ABTB3: variants seen among roughly 807,000 people sequenced by gnomAD.
The protein encoded by ABTB3 is ankyrin repeat and BTB domain containing 3.
chr12:107,407,577 G>A, the ABTB3 span, among the ~76,000 whole-genome samples: 3 of 152,200 alleles, frequency 2.0e-5, no homozygotes, highest in Non-Finnish European at 4.4e-5. Flanking sequence ...GCTGGGGCAG[G>A]TGCCTTCATT....
chr12:107,649,146 C>T, the ABTB3 span: 33 of 1,485,276 alleles, frequency 2.2e-5, no homozygotes, highest in East Asian at 6.8e-5. Flanking sequence ...GGGCATCCAC[C>T]GAATGGCTTT....
the ABTB3 span, among the ~76,000 whole-genome samples, chr12:107,503,756 C>CAAAAAAAAAAAAAAAAAAAAAA: frequency 4.2e-5 from 3 of 70,738 alleles, no homozygotes; most frequent in East Asian, 1.0e-3. Context: ...GACCCTATCT[C>CAAAAAAAAAAAAAAAAAAAAAA]AAAAAAAAAA....
the ABTB3 span, among the ~76,000 whole-genome samples, chr12:107,435,650 T>C: frequency 1.3e-5 from 2 of 152,206 alleles, no homozygotes; most frequent in South Asian, 2.1e-4. Flanking sequence ...CATTATTTTT[T>C]CCCTGAGCTG....
chr12:107,354,111 T>C, the ABTB3 span, among the ~76,000 whole-genome samples: 6 of 152,214 alleles, frequency 3.9e-5, no homozygotes, highest in Non-Finnish European at 8.8e-5. Context: ...CGATACAGAA[T>C]AGTTCCACAA....
chr12:107,529,587 T>G, the ABTB3 span, among the ~76,000 whole-genome samples: 1 of 152,262 alleles, frequency 6.6e-6, no homozygotes, highest in Non-Finnish European at 1.5e-5. Flanking sequence ...ATGCATTTCT[T>G]CATTTAATAC....
At chr12:107,640,042 G>A in the ABTB3 span, among the ~76,000 whole-genome samples, 2 of 152,294 alleles carry the variant, frequency 1.3e-5, no homozygotes, top group African/African-American at 4.8e-5. Context: ...TTAGAGACAA[G>A]GTGGGTGGGT....
the ABTB3 span, among the ~76,000 whole-genome samples, chr12:107,626,319 C>A: frequency 6.7e-6 from 1 of 148,388 alleles, no homozygotes; most frequent in South Asian, 2.1e-4. Context: ...AAAGATCAAT[C>A]TGACTGCTGG....
At chr12:107,430,422 C>T in the ABTB3 span, among the ~76,000 whole-genome samples, 9 of 152,182 alleles carry the variant, frequency 5.9e-5, no homozygotes, top group Non-Finnish European at 1.0e-4. Context: ...TTGTTTCAGT[C>T]TTACTCTTGA....
At chr12:107,587,637 A>G in the ABTB3 span, among the ~76,000 whole-genome samples, 3 of 152,202 alleles carry the variant, frequency 2.0e-5, no homozygotes, top group African/African-American at 7.2e-5. Flanking sequence ...AAAGTGATAA[A>G]TTTGATGTTA....
At chr12:107,339,342 A>G in the ABTB3 span, among the ~76,000 whole-genome samples, 1 of 152,302 alleles carries the variant, frequency 6.6e-6, no homozygotes, top group East Asian at 1.9e-4. Flanking sequence ...TCTGTGTTGC[A>G]CCGGATTCTT....
chr12:107,608,723 G>A, the ABTB3 span, among the ~76,000 whole-genome samples: 3 of 151,572 alleles, frequency 2.0e-5, no homozygotes, highest in Non-Finnish European at 4.4e-5. Context: ...TTTTTTTGAT[G>A]AGCTGGGTGT....
At chr12:107,361,890 G>A in the ABTB3 span, among the ~76,000 whole-genome samples, 1 of 152,020 alleles carries the variant, frequency 6.6e-6, no homozygotes, top group East Asian at 1.9e-4. Flanking sequence ...CATGAGGGTG[G>A]CATCCTCATG....
At chr12:107,443,720 T>C in the ABTB3 span, among the ~76,000 whole-genome samples, 1 of 147,624 alleles carries the variant, frequency 6.8e-6, no homozygotes, top group Non-Finnish European at 1.5e-5. Context: ...AAGGCCCACG[T>C]TCATAATCTA....
the ABTB3 span, among the ~76,000 whole-genome samples, chr12:107,484,025 A>G: frequency 3.9e-5 from 6 of 152,180 alleles, no homozygotes; most frequent in African/African-American, 1.4e-4. Context: ...CCAATCCACG[A>G]ATCAGATGTG....
the ABTB3 span, among the ~76,000 whole-genome samples, chr12:107,452,870 C>A: frequency 6.6e-6 from 1 of 152,082 alleles, no homozygotes; most frequent in African/African-American, 2.4e-5. Context: ...ACAACAACAA[C>A]AAAAATTTAG....
the ABTB3 span, among the ~76,000 whole-genome samples, chr12:107,526,142 T>C: frequency 3.3e-5 from 5 of 152,230 alleles, no homozygotes; most frequent in Admixed American, 3.3e-4. Flanking sequence ...ATGCTGCAAG[T>C]GAGTAGGACT....
At chr12:107,564,409 T>A in the ABTB3 span, among the ~76,000 whole-genome samples, 68 of 152,182 alleles carry the variant, frequency 4.5e-4, 1 homozygote, top group Admixed American at 4.5e-3. Context: ...ATCTCTAATT[T>A]GGTGCAGCTT....
At chr12:107,502,394 C>G in the ABTB3 span, among the ~76,000 whole-genome samples, 453 of 152,012 alleles carry the variant, frequency 3.0e-3, 2 homozygotes, top group Non-Finnish European at 4.8e-3. Flanking sequence ...TTAAAACTCC[C>G]CACGTTATTC....
At chr12:107,549,750 A>G in the ABTB3 span, among the ~76,000 whole-genome samples, 1 of 152,234 alleles carries the variant, frequency 6.6e-6, no homozygotes, top group Non-Finnish European at 1.5e-5. Flanking sequence ...TTATGGCCAG[A>G]ATGATCCCAG....
Sources: allele counts gnomAD v4.1 joint callset (sites outside exome capture counted in the v4.1 genomes callset), GRCh38; gene constraint gnomAD v4.1.1; transcripts MANE v1.5; gene names NCBI Gene and HGNC (gene_info 2026-07-23, HGNC 2026-07-21).